The following VWA8 variants were observed in gnomAD, a reference collection of about 807,000 sequenced individuals.
VWA8 encodes the protein von Willebrand factor A domain-containing protein 8.
In VWA8, 221 loss-of-function variants were observed where a neutral mutation model predicts 241.5. That is an observed-to-expected ratio of 0.91 (90% confidence interval 0.82 to 1.02). The LOEUF (loss-of-function observed/expected upper bound fraction) is 1.02, where lower values mean the gene tolerates loss of function less well. VWA8 is among the 50% of genes least tolerant of loss of function. VWA8 has a pLI of 0.00. For synonymous variants in VWA8, 852 were observed against 827.1 expected (o/e 1.03, Z -0.52); for missense variants, 2,322 against 2,328.7 (o/e 1.00, Z 0.06).
rs1322461252 is a variant in VWA8, at chr13:41,881,371, CCGGGGGGG to C, written c.1080+2008_1080+2015del. 9.1e-4 allele frequency among the ~76,000 whole-genome samples: 10 copies of C among 10,976 alleles called. 2 individuals are homozygous for C. The Admixed American group carries it at 0.012, about 13-fold the overall frequency. The allele number at this position is 10,976 out of a possible 152,430, so 7.2% of individuals were successfully genotyped here. Reference sequence around the variant, plus strand: ...ACTAGAACATCATAGTTTTTTTTTGCCGGGGGGGGGGGGGGGGGGGTAAGGTCACAGAT... The same window carrying C: ...ACTAGAACATCATAGTTTTTTTTTGCGGGGGGGGGGGGTAAGGTCACAGAT... On this transcript the variant is annotated intron_variant, in intron 9 of 44. Transcript: ENST00000379310.
chr13:41,676,539 G>A lies in VWA8; in HGVS notation c.4328-1243C>T, dbSNP rs759319486. Among the ~76,000 whole-genome samples the A allele has an allele frequency of 9.8e-5, 15 of 152,296 alleles. 1 individual carries two copies. The Middle Eastern group carries it at 0.01, about 104-fold the overall frequency. ...CTGTTATACTCATGTGATGTCATTA[G>A]TGTACCTGAGTGTTTATGCTTGCAA... On this transcript the variant is annotated intron_variant, in intron 35 of 44. Coordinates refer to ENST00000379310, the MANE Select transcript of VWA8 (RefSeq NM_015058.2).
intron 26 of VWA8, among the ~76,000 whole-genome samples, chr13:41,718,938 T>C (rs933244310): frequency 1.3e-5 from 2 of 151,912 alleles, no homozygotes; most frequent in African/African-American, 4.8e-5. Flanking sequence ...TATTGAAAAC[T>C]ATTTTCTAGT....
Position 41,722,897 on chromosome 13 carries a change from G to A in VWA8, c.2759-1322C>T, listed in dbSNP as rs148641591. Among the ~76,000 whole-genome samples, 64 of 152,194 alleles carry A rather than the reference G, an allele frequency of 4.2e-4. 2 individuals carry two copies. The East Asian group carries it at 6.4e-3, about 15-fold the overall frequency. ...AGCAGCACCAAGCAGTACAGGACACGAGGTTACAGACATAGGAGGATGTGG... is the reference window on the plus strand; with the variant it reads ...AGCAGCACCAAGCAGTACAGGACACAAGGTTACAGACATAGGAGGATGTGG... On this transcript the variant is annotated intron_variant, in intron 24 of 44. Coordinates refer to ENST00000379310, the MANE Select transcript of VWA8 (RefSeq NM_015058.2).
chr13:41,739,219 A>C (rs1468005558), intron 21 of VWA8, among the ~76,000 whole-genome samples: 1 of 152,176 alleles, frequency 6.6e-6, no homozygotes, highest in African/African-American at 2.4e-5. Flanking sequence ...TCTTTAGTAC[A>C]GTACTCAATT....
rs114857638 is a variant in VWA8 at position 41,656,049 on chromosome 13, A to C, written c.4611+14897T>G. 1.1e-3 allele frequency among the ~76,000 whole-genome samples: 169 copies of C among 152,346 alleles called. 1 individual carries two copies. Among genetic ancestry groups the C allele is most frequent in the African/African-American group, 3.9e-3 (162 of 41,580 alleles). On this transcript the variant is annotated intron_variant, in intron 37 of 44. Transcript: ENST00000379310. ...TTAAGACTAAGGGAGTCATAATTAC[A>C]ATAATGGCGACTATTTACTGCTGTG...
chr13:41,814,517 T>C (rs1027617779), intron 16 of VWA8, among the ~76,000 whole-genome samples: 1 of 151,906 alleles, frequency 6.6e-6, no homozygotes, highest in African/African-American at 2.4e-5. Context: ...TTCAAGAGAG[T>C]TTGTAGAAAC....
chr13:41,627,815 C>T (rs1353465033), intron 37 of VWA8, among the ~76,000 whole-genome samples: 1 of 152,162 alleles, frequency 6.6e-6, no homozygotes, highest in Non-Finnish European at 1.5e-5. Flanking sequence ...TAGGTAAAGA[C>T]TACGCCCCAG....
chr13:41,748,061 G>T (rs1395747902), intron 21 of VWA8, among the ~76,000 whole-genome samples: 3 of 152,078 alleles, frequency 2.0e-5, no homozygotes, highest in East Asian at 3.9e-4. Flanking sequence ...AAAATTCTCT[G>T]TTTTTGTTGT....
chr13:41,793,168 T>G (rs1033274241), intron 17 of VWA8, among the ~76,000 whole-genome samples: 3 of 152,138 alleles, frequency 2.0e-5, no homozygotes, highest in Admixed American at 6.5e-5. Context: ...ATATTCCAGA[T>G]TTACTAAGTT....
At chr13:41,665,389 A>C (rs2044979232) in intron 37 of VWA8, among the ~76,000 whole-genome samples, 1 of 152,224 alleles carries the variant, frequency 6.6e-6, no homozygotes, top group East Asian at 1.9e-4. Flanking sequence ...ACAAAGTTGA[A>C]CCAGGATTTT....
At chr13:41,816,570 C>T (rs1042328290) in intron 16 of VWA8, 128 bp downstream of exon 16, 2 of 781,996 alleles carry the variant, frequency 2.6e-6, no homozygotes, top group African/African-American at 3.5e-5. Context: ...AGAACAAAGG[C>T]ATAGCATAAG....
chr13:41,868,780 C>T (rs1231788240), intron 9 of VWA8, among the ~76,000 whole-genome samples: 4 of 149,118 alleles, frequency 2.7e-5, no homozygotes, highest in Middle Eastern at 3.3e-3. Context: ...ACCAGCTACT[C>T]GGGAGGCTGA....
chr13:41,882,472 T>C (rs1337941161), intron 9 of VWA8, among the ~76,000 whole-genome samples: 2 of 152,174 alleles, frequency 1.3e-5, no homozygotes, highest in African/African-American at 2.4e-5. Flanking sequence ...GTGGAGGTTG[T>C]AGCGAGCCGA....
At chr13:41,724,180 A>G (rs532212067) in intron 24 of VWA8, among the ~76,000 whole-genome samples, 1 of 152,316 alleles carries the variant, frequency 6.6e-6, no homozygotes, top group Admixed American at 6.5e-5. Flanking sequence ...AATGACCTAG[A>G]TAAGAACAGT....
At chr13:41,582,374 G>A (rs1377591891) in intron 42 of VWA8, among the ~76,000 whole-genome samples, 1 of 152,168 alleles carries the variant, frequency 6.6e-6, no homozygotes, top group Non-Finnish European at 1.5e-5. Flanking sequence ...CAGACGCCAA[G>A]AGAGATGGGG....
chr13:41,944,136 A>AATT (rs764985566), intron 2 of VWA8, among the ~76,000 whole-genome samples: 3 of 138,272 alleles, frequency 2.2e-5, no homozygotes. Flanking sequence ...TAATAATAAT[A>AATT]AATAAATAAA....
chr13:41,655,898 T>C (rs2044901492), intron 37 of VWA8, among the ~76,000 whole-genome samples: 1 of 152,202 alleles, frequency 6.6e-6, no homozygotes, highest in African/African-American at 2.4e-5. Context: ...TAAAGTATGT[T>C]CCTGTTTTAT....
chr13:41,863,404 T>A (rs1167878497), intron 12 of VWA8, among the ~76,000 whole-genome samples: 1 of 20,008 alleles, frequency 5.0e-5, no homozygotes, highest in African/African-American at 1.4e-4. Flanking sequence ...TTTGTGTGTG[T>A]GTGTGTGTGT....
At chr13:41,627,454 C>T (rs183870715) in intron 37 of VWA8, among the ~76,000 whole-genome samples, 58 of 152,252 alleles carry the variant, frequency 3.8e-4, no homozygotes, top group African/African-American at 1.0e-3. Flanking sequence ...CAAGCAGGTT[C>T]GCTAGGGCCG....
Sources: gnomAD v4.1 joint callset for allele counts (sites outside exome capture counted in the v4.1 genomes callset) on GRCh38, gnomAD v4.1.1 for gene constraint, MANE v1.5 for transcripts, NCBI Gene and HGNC (gene_info 2026-07-23, HGNC 2026-07-21) for gene names.